Variants in LITAF observed in about 807,000 individuals in gnomAD.
The protein encoded by LITAF is lipopolysaccharide induced TNF factor.
In LITAF, 9 loss-of-function variants were observed where a neutral mutation model predicts 14.5. That is an observed-to-expected ratio of 0.62 (90% CI 0.37 to 1.08). The LOEUF is 1.08. LITAF is among the 50% of genes least tolerant of loss of function. The probability of loss-of-function intolerance (pLI) is 0.01; values close to 1 mark genes in which losing one functional copy is unlikely to be tolerated. For synonymous variants in LITAF, 98 were observed against 88.2 expected (o/e 1.11, Z -0.62); for missense variants, 206 against 213.4 (o/e 0.97, Z 0.22).
Position 11,548,623 on chromosome 16 carries a change from A to G in LITAF, c.*1014T>C, listed in dbSNP as rs2064138729. The G allele has an allele frequency of 4.4e-6, 2 of 450,566 alleles. No homozygotes were observed. The highest frequency in any genetic ancestry group is 2.0e-5 in the African/African-American group (1 of 49,526). The allele number at this position is 450,566 out of a possible 1,614,324, so 27.9% of individuals were successfully genotyped here. A position where few individuals can be genotyped will look rare whatever the true frequency, so the allele number is the denominator to read the frequency against. Reference sequence around the variant, plus strand: ...TTTTTAAGTGAGACTACATTGGCAAATGGGAAAATGACACCAATCATTTGA... The same window carrying G: ...TTTTTAAGTGAGACTACATTGGCAAGTGGGAAAATGACACCAATCATTTGA... On this transcript the variant is annotated 3_prime_UTR_variant, in exon 4 of 4. Transcript: ENST00000622633.
At chr16:11,608,429 G>A (rs1029859918) in intron 3 of LITAF, among the ~76,000 whole-genome samples, 1 of 152,200 alleles carries the variant, frequency 6.6e-6, no homozygotes, top group African/African-American at 2.4e-5. Flanking sequence ...AGGAATTTGA[G>A]CAGCTTGCTT....
rs1555469759 is a variant in LITAF at position 11,576,554 on chromosome 16, A to AAGAC, written c.-6+10331_-6+10332insGTCT. 4.7e-3 allele frequency among the ~76,000 whole-genome samples: 543 copies of AAGAC among 116,648 alleles called. 24 individuals are homozygous for AAGAC. The highest frequency in any genetic ancestry group is 0.017 in the African/African-American group (519 of 29,940). 76.5% of individuals were successfully genotyped at this position (116,648 alleles called of 152,430 possible). On this transcript the variant is annotated intron_variant, in intron 1 of 3. Transcript: ENST00000622633. ...ATCTGCAAAAAAAAAAAAAAAAAAA[A>AAGAC]AGAGAGAGAGAAAGAGAAAAAGAGA...
At chr16:11,563,542 T>C (rs1013352342) in intron 1 of LITAF, among the ~76,000 whole-genome samples, 19 of 152,198 alleles carry the variant, frequency 1.2e-4, no homozygotes, top group Admixed American at 1.2e-3. Context: ...CCTCTCTTTC[T>C]GCCTCCCTAA....
At position 11,556,499 on chromosome 16, in the gene LITAF, G is replaced by A; in HGVS notation, c.220+12C>T. ...AAGGAATGGTAAGGGGGGCCTGGGA[G>A]GCCACACGTACTTGGATTGTTATTG... On this transcript the variant is annotated intron_variant, in intron 2 of 3. Coordinates refer to ENST00000622633, the MANE Select transcript of LITAF (RefSeq NM_001136472.2). 6.2e-7 allele frequency: 1 copy of A among 1,607,290 alleles called. No homozygotes were observed. Among genetic ancestry groups the A allele is most frequent in the Non-Finnish European group, 8.5e-7 (1 of 1,174,798 alleles).
Position 11,634,701 on chromosome 16 carries a change from C to T in LITAF, c.-20-1064G>A, listed in dbSNP as rs907003339. ...CCAGACGAACTATCCTTGAAAAACC[C>T]TAGCCTCTGAATTTTCAGGGAGACT... On this transcript the variant is annotated intron_variant, in intron 2 of 3. Transcript: ENST00000574848. The surrounding 1 kb of genome is among the most constrained non-coding windows in gnomAD (Gnocchi z 4.1). 6.6e-6 allele frequency among the ~76,000 whole-genome samples: 1 copy of T among 152,164 alleles called. No individual in the cohort carries two copies. Among genetic ancestry groups the T allele is most frequent in the Non-Finnish European group, 1.5e-5 (1 of 68,034 alleles).
intron 1 of LITAF, among the ~76,000 whole-genome samples, chr16:11,597,326 A>T (rs1270394640): frequency 1.3e-5 from 2 of 152,130 alleles, no homozygotes; most frequent in Non-Finnish European, 2.9e-5. Flanking sequence ...TTTGAGCTCC[A>T]TTCCACAACC....
At chr16:11,597,799 T>C (rs1290528147) in intron 1 of LITAF, among the ~76,000 whole-genome samples, 1 of 151,976 alleles carries the variant, frequency 6.6e-6, no homozygotes, top group African/African-American at 2.4e-5. Flanking sequence ...CTGCCTGTTT[T>C]CCCCGCTCCA....
chr16:11,614,272 T>A (rs1231829611), intron 3 of LITAF, among the ~76,000 whole-genome samples: 1 of 150,152 alleles, frequency 6.7e-6, no homozygotes, highest in Non-Finnish European at 1.5e-5. Flanking sequence ...TTCTCCTTCT[T>A]CTTTCCTCTT....
intron 3 of LITAF, among the ~76,000 whole-genome samples, chr16:11,619,786 TG>T (rs1377798508): frequency 6.6e-6 from 1 of 152,072 alleles, no homozygotes; most frequent in East Asian, 1.9e-4. Flanking sequence ...TTGCCCAGGC[TG>T]GTCTTCAACT....
intron 3 of LITAF, among the ~76,000 whole-genome samples, chr16:11,606,155 G>T (rs968564718): frequency 1.3e-5 from 2 of 151,924 alleles, no homozygotes; most frequent in African/African-American, 4.8e-5. Flanking sequence ...TCTGCCCCTG[G>T]ATTTTTTTTA....
rs192005560 is a variant in LITAF, at chr16:11,609,643, G to A, written c.85+23890C>T. 2.0e-5 allele frequency among the ~76,000 whole-genome samples: 3 copies of A among 152,280 alleles called. No homozygotes were observed. In the East Asian group the frequency reaches 5.8e-4, roughly 29 times the overall value. On this transcript the variant is annotated intron_variant, in intron 3 of 3. Transcript: ENST00000574848. ...TGCAGGACTGGCTGTGCCACTTCCC[G>A]GCTGCGTGACCGTGAGCAAGTTACT...
At position 11,605,047 on chromosome 16, in the gene LITAF, G is replaced by A. The variant is rs1190709288; in HGVS notation, c.85+28486C>T. ...CCTTGCCTACTCCAGGAATCGGCCA[G>A]GACCACTGCTGGACGTGGGGCACTT... On this transcript the variant is annotated intron_variant, in intron 3 of 3. Transcript: ENST00000574848. This position sits in a 1 kb window ranked among gnomAD's most constrained non-coding sequence, Gnocchi z 4.7. 2.0e-5 allele frequency among the ~76,000 whole-genome samples: 3 copies of A among 152,212 alleles called. No homozygotes were observed. The highest frequency in any genetic ancestry group is 4.4e-5 in the Non-Finnish European group (3 of 68,026).
chr16:11,554,651 G>C (rs936797160), intron 2 of LITAF, among the ~76,000 whole-genome samples: 7 of 151,930 alleles, frequency 4.6e-5, no homozygotes, highest in African/African-American at 1.7e-4. Flanking sequence ...AGCCGGGCAT[G>C]ATGGCACGTG....
Position 11,616,834 on chromosome 16 carries a change from C to T in LITAF, c.85+16699G>A, listed in dbSNP as rs1191981927. ...GGCTGAGGCAGGAGGATCACCTGAG[C>T]CCAAGAGGTTGAGGCTGCAGTGAGC... On this transcript the variant is annotated intron_variant, in intron 3 of 3. Coordinates refer to the LITAF transcript ENST00000574848. 2.7e-5 allele frequency among the ~76,000 whole-genome samples: 4 copies of T among 149,050 alleles called. No homozygotes were observed. The East Asian group carries it at 8.1e-4, about 30-fold the overall frequency.
chr16:11,581,538 T>C (rs186049797), intron 1 of LITAF, among the ~76,000 whole-genome samples: 2 of 152,090 alleles, frequency 1.3e-5, no homozygotes, highest in Admixed American at 1.3e-4. Context: ...TGGCTTGAGC[T>C]CGAGAGGGAG....
At chr16:11,588,071 C>T (rs959527777), upstream of LITAF, among the ~76,000 whole-genome samples, 8 of 152,220 alleles carry the variant, frequency 5.3e-5, no homozygotes, top group East Asian at 1.9e-4. Flanking sequence ...TGCCACCTTG[C>T]GCCATGTCCA....
chr16:11,593,114 T>C (rs1275724006), intron 1 of LITAF, among the ~76,000 whole-genome samples: 1 of 152,028 alleles, frequency 6.6e-6, no homozygotes. Context: ...GAGCTTGCAG[T>C]GAGCGGAGAT....
chr16:11,592,442 G>A (rs1215171247), intron 1 of LITAF, among the ~76,000 whole-genome samples: 10 of 151,956 alleles, frequency 6.6e-5, no homozygotes, highest in Non-Finnish European at 2.9e-5. Context: ...CAGGCATGGT[G>A]ACAGGCACCT....
chr16:11,596,002 C>A (rs7199684), intron 1 of LITAF, among the ~76,000 whole-genome samples: 1 of 151,902 alleles, frequency 6.6e-6, no homozygotes, highest in Non-Finnish European at 1.5e-5. Flanking sequence ...CAGGATATCC[C>A]AGTGAGCAGG....
Sources: gnomAD v4.1 joint callset for allele counts (sites outside exome capture counted in the v4.1 genomes callset) on GRCh38, gnomAD v4.1.1 for gene constraint, Gnocchi (gnomAD v3.1) non-coding constraint, MANE v1.5 for transcripts, NCBI Gene and HGNC (gene_info 2026-07-23, HGNC 2026-07-21) for gene names.